SIPA1L3: variants seen among roughly 807,000 people sequenced by gnomAD.
SIPA1L3 encodes signal induced proliferation associated 1 like 3, also known as signal-induced proliferation-associated 1-like protein 3.
Under a neutral mutation model 150.1 loss-of-function variants are expected in SIPA1L3, and 59 were observed. The ratio of observed to expected loss-of-function variants is 0.39; its 90% CI spans 0.32 to 0.49. The LOEUF is 0.49. Among genes scored for constraint, SIPA1L3 ranks in the 20% least tolerant of loss-of-function variants. The pLI is 0.86. For synonymous variants in SIPA1L3, 1,070 were observed against 1,077.6 expected (o/e 0.99, Z 0.14); for missense variants, 2,211 against 2,489.5 (o/e 0.89, Z 2.38).
At chr19:38,186,540 G>T (rs1165859126) in intron 16 of SIPA1L3, among the ~76,000 whole-genome samples, 4 of 151,224 alleles carry the variant, frequency 2.6e-5, no homozygotes, top group Admixed American at 2.6e-4. Context: ...TTTTAATAGA[G>T]ACGGGGTTTC....
At chr19:38,196,701 A>G (rs564227482) in intron 18 of SIPA1L3, among the ~76,000 whole-genome samples, 1 of 148,798 alleles carries the variant, frequency 6.7e-6, no homozygotes, top group East Asian at 2.1e-4. Context: ...GAGTGGAGCA[A>G]GGAGGTCAAG....
At chr19:38,019,171 AT>A (rs1968309837) in intron 1 of SIPA1L3, among the ~76,000 whole-genome samples, 1 of 152,240 alleles carries the variant, frequency 6.6e-6, no homozygotes, top group Non-Finnish European at 1.5e-5. Flanking sequence ...GACACCAGAA[AT>A]AACAGTGGTG....
At chr19:38,194,255 C>G (rs888059632) in intron 18 of SIPA1L3, among the ~76,000 whole-genome samples, 3 of 152,180 alleles carry the variant, frequency 2.0e-5, no homozygotes, top group Non-Finnish European at 4.4e-5. Flanking sequence ...AAAATATTTA[C>G]TGAGCACTCC....
intron 9 of SIPA1L3, among the ~76,000 whole-genome samples, chr19:38,124,286 G>A (rs1356428348): frequency 7.3e-5 from 11 of 150,862 alleles, no homozygotes; most frequent in Admixed American, 2.0e-4. Flanking sequence ...CTTCTCAGAC[G>A]GGGCGGCCGG....
intron 1 of SIPA1L3, among the ~76,000 whole-genome samples, chr19:37,986,884 G>T (rs1967366568): frequency 1.3e-5 from 2 of 152,128 alleles, no homozygotes; most frequent in Admixed American, 1.3e-4. Context: ...ATAAAATGCA[G>T]GTTCTCATTC....
chr19:37,938,070 T>A (rs1337335659), intron 1 of SIPA1L3, among the ~76,000 whole-genome samples: 2 of 151,954 alleles, frequency 1.3e-5, no homozygotes, highest in South Asian at 4.2e-4. Context: ...GAAAAAGATA[T>A]ACTGTACATA....
In SIPA1L3 at chr19:38,188,558, C is replaced by A. The variant is rs117173239; in HGVS notation, c.4431-3587C>A. On this transcript the variant is annotated intron_variant, in intron 16 of 21. Coordinates refer to ENST00000222345, the MANE Select transcript of SIPA1L3 (RefSeq NM_015073.3). ...GTCAGAACCTGGAGGATGTTTTCTT[C>A]ACTGAGGTTTTGAAAGATAAAACAT... Among the ~76,000 whole-genome samples the A allele has an allele frequency of 1.4e-3, 209 of 152,178 alleles. 6 individuals are homozygous for A. The East Asian group carries it at 0.037, about 27-fold the overall frequency.
chr19:38,046,126 C>T lies in SIPA1L3; in HGVS notation c.-311+16970C>T, dbSNP rs986914671. Among the ~76,000 whole-genome samples the T allele has an allele frequency of 3.3e-5, 5 of 152,048 alleles. No individual in the cohort carries two copies. Among genetic ancestry groups the T allele is most frequent in the African/African-American group, 9.7e-5 (4 of 41,400 alleles). ...TGCCGTCATCTGGCCACTCAGTCGGCGGGGTTGAGAGGAGCTTTCTATAGA... is the reference window on the plus strand; with the variant it reads ...TGCCGTCATCTGGCCACTCAGTCGGTGGGGTTGAGAGGAGCTTTCTATAGA... On this transcript the variant is annotated intron_variant, in intron 2 of 21. Transcript: ENST00000222345. This position sits in a 1 kb window ranked among gnomAD's most constrained non-coding sequence, Gnocchi z 5.6.
intron 1 of SIPA1L3, among the ~76,000 whole-genome samples, chr19:37,940,051 C>T (rs1285362424): frequency 2.0e-5 from 3 of 152,112 alleles, no homozygotes; most frequent in East Asian, 1.9e-4. Flanking sequence ...TTGCAGAGCT[C>T]GTATTTTAAA....
At chr19:37,966,007 C>T (rs774154248) in intron 1 of SIPA1L3, among the ~76,000 whole-genome samples, 10 of 152,168 alleles carry the variant, frequency 6.6e-5, no homozygotes, top group African/African-American at 2.2e-4. Context: ...TTATTTTGCA[C>T]GGCCAAAGTG....
chr19:38,035,511 G>T (rs1386262337), intron 2 of SIPA1L3, among the ~76,000 whole-genome samples: 1 of 152,174 alleles, frequency 6.6e-6, no homozygotes, highest in Non-Finnish European at 1.5e-5. Flanking sequence ...GCAAAAATGG[G>T]TTGACACGGT....
chr19:38,009,609 A>G (rs1968050913), intron 1 of SIPA1L3, among the ~76,000 whole-genome samples: 1 of 151,818 alleles, frequency 6.6e-6, no homozygotes, highest in East Asian at 1.9e-4. Flanking sequence ...CAACAGCCCT[A>G]TTGAGAGTGG....
At chr19:38,172,789 C>T (rs1385280207) in intron 15 of SIPA1L3, among the ~76,000 whole-genome samples, 1 of 152,090 alleles carries the variant, frequency 6.6e-6, no homozygotes, top group Non-Finnish European at 1.5e-5. Flanking sequence ...GGCATTTGAG[C>T]ACATCATCTG....
chr19:38,198,229 A>G (rs920092699), intron 18 of SIPA1L3, among the ~76,000 whole-genome samples, 160 bp from the exon 19 acceptor site: 24 of 152,218 alleles, frequency 1.6e-4, no homozygotes, highest in African/African-American at 4.6e-4. Flanking sequence ...CCCTGTTTGA[A>G]GTCAGGCCTC....
chr19:38,176,137 G>A (rs1281107746), intron 15 of SIPA1L3, among the ~76,000 whole-genome samples: 8 of 152,076 alleles, frequency 5.3e-5, no homozygotes, highest in African/African-American at 1.9e-4. Context: ...AGCCTCCTGA[G>A]TAGCTGGGAT....
chr19:38,015,898 A>G (rs1968221719), intron 1 of SIPA1L3, among the ~76,000 whole-genome samples: 1 of 151,950 alleles, frequency 6.6e-6, no homozygotes, highest in Non-Finnish European at 1.5e-5. Flanking sequence ...TTGTGATAAT[A>G]TGCTTACTTT....
At chr19:38,044,085 G>A (rs1232525409) in intron 2 of SIPA1L3, among the ~76,000 whole-genome samples, 1 of 152,192 alleles carries the variant, frequency 6.6e-6, no homozygotes, top group Non-Finnish European at 1.5e-5. Context: ...ATGTAGGGGT[G>A]AGAGAAAGAG....
chr19:38,191,941 A>ACAGCC (rs1361576782), intron 16 of SIPA1L3, among the ~76,000 whole-genome samples: 2 of 152,168 alleles, frequency 1.3e-5, no homozygotes, highest in African/African-American at 4.8e-5. Flanking sequence ...ACAGGACAGC[A>ACAGCC]CAGCCAGCTC....
At chr19:38,101,631 G>A (rs986696501) in intron 6 of SIPA1L3, among the ~76,000 whole-genome samples, 5 of 152,058 alleles carry the variant, frequency 3.3e-5, no homozygotes, top group Non-Finnish European at 7.3e-5. Context: ...GACTGGTCTC[G>A]AACTCCTGAC....
Sources: gnomAD v4.1 joint callset for allele counts (sites outside exome capture counted in the v4.1 genomes callset) on GRCh38, gnomAD v4.1.1 for gene constraint, Gnocchi (gnomAD v3.1) non-coding constraint, MANE v1.5 for transcripts, NCBI Gene and HGNC (gene_info 2026-07-23, HGNC 2026-07-21) for gene names.